Variants in SLIT3 observed in about 807,000 individuals in gnomAD.
SLIT3 encodes the protein slit homolog 3 protein.
A neutral mutation model predicts 184.0 loss-of-function variants in SLIT3; 68 were observed. The ratio of observed to expected loss-of-function variants is 0.37; its 90% confidence interval spans 0.30 to 0.45. The LOEUF is 0.45. Among genes scored for constraint, SLIT3 ranks in the 20% least tolerant of loss-of-function variants. The pLI, the probability that SLIT3 is intolerant of heterozygous loss-of-function variation, is 1.00. For synonymous variants in SLIT3, 831 were observed against 828.6 expected (o/e 1.00, Z -0.05); for missense variants, 1,707 against 2,026.0 (o/e 0.84, Z 3.02).
chr5:168,778,576 C>T (rs540810320), intron 12 of SLIT3, among the ~76,000 whole-genome samples: 4 of 152,216 alleles, frequency 2.6e-5, no homozygotes, highest in Non-Finnish European at 4.4e-5. Flanking sequence ...TTCGTTGGCA[C>T]GAGGTGGCAG....
At chr5:169,153,211 G>A (rs1762181427) in intron 4 of SLIT3, among the ~76,000 whole-genome samples, 1 of 152,130 alleles carries the variant, frequency 6.6e-6, no homozygotes, top group East Asian at 1.9e-4. Flanking sequence ...TGGGCCAATG[G>A]GGAGGGGAGG....
At chr5:168,878,322 T>C (rs775226156) in intron 5 of SLIT3, among the ~76,000 whole-genome samples, 2 of 152,194 alleles carry the variant, frequency 1.3e-5, no homozygotes, top group South Asian at 2.1e-4. Flanking sequence ...GACTTCCTTC[T>C]GCTGTCTGGA....
chr5:168,956,355 C>A (rs897594718), intron 4 of SLIT3, among the ~76,000 whole-genome samples: 1 of 152,122 alleles, frequency 6.6e-6, no homozygotes, highest in East Asian at 1.9e-4. Flanking sequence ...GAGAAAAGGA[C>A]AGCTTGGAGA....
intron 6 of SLIT3, among the ~76,000 whole-genome samples, chr5:168,827,690 G>A (rs1455979866): frequency 6.6e-6 from 1 of 152,172 alleles, no homozygotes; most frequent in Non-Finnish European, 1.5e-5. Context: ...ATGAGGTCAT[G>A]GACATCTTTG....
chr5:168,733,800 TAAA>T (rs70976499), intron 20 of SLIT3, among the ~76,000 whole-genome samples: 1 of 145,242 alleles, frequency 6.9e-6, no homozygotes, highest in Non-Finnish European at 1.5e-5. Context: ...AAAAAAAAAT[TAAA>T]AAAAAAAAAG....
At position 168,712,274 on chromosome 5, in the gene SLIT3, G is replaced by A. The variant is rs116584490; in HGVS notation, c.2555+9C>T. ...TGAATGTTCATTGGGGAGAAACACT[G>A]CTACTTACAGATGGGAAAGAGATGT... On this transcript the variant is annotated intron_variant, in intron 24 of 35. Coordinates refer to ENST00000519560, the MANE Select transcript of SLIT3 (RefSeq NM_003062.4). 2,463 of 1,610,040 alleles carry A rather than the reference G, an allele frequency of 1.5e-3. 40 individuals are homozygous for A. The African/African-American group carries it at 0.028, about 18-fold the overall frequency.
chr5:169,015,096 A>G (rs1282260969), intron 4 of SLIT3, among the ~76,000 whole-genome samples: 1 of 142,672 alleles, frequency 7.0e-6, no homozygotes. Flanking sequence ...CAAACCAACT[A>G]ACTGGACAAA....
chr5:168,990,919 A>G (rs185345596), intron 4 of SLIT3, among the ~76,000 whole-genome samples: 30 of 152,332 alleles, frequency 2.0e-4, no homozygotes, highest in Admixed American at 5.9e-4. Flanking sequence ...CTGTTTGCCA[A>G]GTGCCAGACC....
At chr5:168,912,712 A>G (rs1359642178) in intron 4 of SLIT3, among the ~76,000 whole-genome samples, 2 of 152,166 alleles carry the variant, frequency 1.3e-5, no homozygotes, top group Non-Finnish European at 2.9e-5. Flanking sequence ...GATGTATTTT[A>G]TGCATTTTAT....
In SLIT3 at chr5:169,300,303, G is replaced by C. The variant is rs574687837; in HGVS notation, c.197+210C>G. Among the ~76,000 whole-genome samples the C allele has an allele frequency of 6.6e-6, 1 of 152,338 alleles. No individual in the cohort carries two copies. Among genetic ancestry groups the C allele is most frequent in the South Asian group, 2.1e-4 (1 of 4,824 alleles). On this transcript the variant is annotated intron_variant, in intron 1 of 35. Coordinates refer to ENST00000519560, the MANE Select transcript of SLIT3 (RefSeq NM_003062.4). The surrounding 1 kb of genome is among the most constrained non-coding windows in gnomAD (Gnocchi z 4.1). The stretch of plus-strand genomic sequence containing the variant: ...CACCCCTGGAGAGGCACTGCTCTTT[G>C]CCCATCGCTGGGGGTTTCGAGACCT...
At chr5:169,237,517 TTA>T (rs1765244580) in intron 3 of SLIT3, among the ~76,000 whole-genome samples, 1 of 152,194 alleles carries the variant, frequency 6.6e-6, no homozygotes, top group African/African-American at 2.4e-5. Context: ...CCATTTTGTA[TTA>T]CTGTCAGCAA....
intron 4 of SLIT3, among the ~76,000 whole-genome samples, chr5:169,048,664 C>T (rs1757709284): frequency 6.6e-6 from 1 of 152,188 alleles, no homozygotes; most frequent in Non-Finnish European, 1.5e-5. Context: ...CAACATCATA[C>T]CCAAGTCCCA....
intron 4 of SLIT3, among the ~76,000 whole-genome samples, chr5:168,930,176 T>C (rs1354487040): frequency 6.6e-6 from 1 of 152,062 alleles, no homozygotes; most frequent in Admixed American, 6.5e-5. Flanking sequence ...GGAATTTAAG[T>C]GTCTTCAAGT....
chr5:168,930,885 T>C (rs1761967988), intron 4 of SLIT3, among the ~76,000 whole-genome samples: 1 of 151,900 alleles, frequency 6.6e-6, no homozygotes, highest in Non-Finnish European at 1.5e-5. Flanking sequence ...ATGTGCCTCC[T>C]AGACAATAAC....
At chr5:169,272,940 G>C (rs1415281605) in intron 1 of SLIT3, among the ~76,000 whole-genome samples, 1 of 152,102 alleles carries the variant, frequency 6.6e-6, no homozygotes, top group Admixed American at 6.5e-5. Flanking sequence ...TGCTGGGGTG[G>C]GAGCCCAGGC....
chr5:169,072,207 T>C (rs911685449), intron 4 of SLIT3, among the ~76,000 whole-genome samples: 1 of 152,046 alleles, frequency 6.6e-6, no homozygotes, highest in African/African-American at 2.4e-5. Context: ...GTAAGAGTGT[T>C]CCAGGGAGCA....
chr5:169,160,703 G>A (rs377012351), intron 4 of SLIT3, among the ~76,000 whole-genome samples: 27 of 152,188 alleles, frequency 1.8e-4, no homozygotes, highest in East Asian at 5.8e-4. Context: ...CATCCCCAGC[G>A]TGGGCTGGGC....
At chr5:169,223,538 A>C (rs1029745661) in intron 3 of SLIT3, among the ~76,000 whole-genome samples, 2 of 152,190 alleles carry the variant, frequency 1.3e-5, no homozygotes, top group African/African-American at 4.8e-5. Context: ...GATGGGATTT[A>C]GCTCTGTTCA....
intron 3 of SLIT3, among the ~76,000 whole-genome samples, chr5:169,243,506 AT>A (rs1765474693): frequency 6.6e-6 from 1 of 152,226 alleles, no homozygotes; most frequent in South Asian, 2.1e-4. Context: ...ATATGCTGGG[AT>A]TTGACCCAGA....
Sources: allele counts gnomAD v4.1 joint callset (sites outside exome capture counted in the v4.1 genomes callset), GRCh38; gene constraint gnomAD v4.1.1; non-coding constraint Gnocchi (gnomAD v3.1); transcripts MANE v1.5; gene names NCBI Gene and HGNC (gene_info 2026-07-23, HGNC 2026-07-21).